NAT10: variants seen among roughly 807,000 people sequenced by gnomAD.
The protein encoded by NAT10 is RNA cytidine acetyltransferase.
A neutral mutation model predicts 132.2 loss-of-function variants in NAT10; 109 were observed. That is an observed-to-expected ratio of 0.82 (90% confidence interval 0.71 to 0.97). NAT10 has a LOEUF of 0.97. Among genes scored for constraint, NAT10 ranks in the 50% least tolerant of loss-of-function variants. The pLI is 0.00. For missense variants in NAT10, 1,184 were observed against 1,263.4 expected (o/e 0.94, Z 0.95); for synonymous variants, 479 against 478.0 (o/e 1.00, Z -0.03).
intron 5 of NAT10, among the ~76,000 whole-genome samples, chr11:34,114,927 C>T (rs1417905453): frequency 1.3e-5 from 2 of 152,152 alleles, no homozygotes; most frequent in South Asian, 2.1e-4. Flanking sequence ...CTGAGGTGGG[C>T]GGATCACCTG....
At chr11:34,123,938 C>T (rs1244405147) in intron 10 of NAT10, 83 bp downstream of exon 10, 7 of 1,065,136 alleles carry the variant, frequency 6.6e-6, no homozygotes, top group African/African-American at 1.6e-5. Flanking sequence ...GGGAGGCCGA[C>T]GCGGGCGGAT....
rs780216626 is a variant in NAT10 at position 34,133,988 on chromosome 11, T to TA, written c.1735-314dup. Reference sequence around the variant, plus strand: ...TAACACGGTGAAACCCCTTCTCTACTAAAAAAAAAAAAAAAAATACAAAAA... The same window carrying TA: ...TAACACGGTGAAACCCCTTCTCTACTAAAAAAAAAAAAAAAAAATACAAAAA... On this transcript the variant is annotated intron_variant, in intron 16 of 28. Transcript: ENST00000257829. 5.5e-3 allele frequency among the ~76,000 whole-genome samples: 675 copies of TA among 122,206 alleles called. 2 individuals are homozygous for TA. The highest frequency in any genetic ancestry group is 0.017 in the East Asian group (72 of 4,290). The allele number at this position is 122,206 out of a possible 152,430, so 80.2% of individuals were successfully genotyped here. A position where few individuals can be genotyped will look rare whatever the true frequency, so the allele number is the denominator to read the frequency against.
At position 34,118,289 on chromosome 11, in the gene NAT10, A is replaced by G; in HGVS notation, c.667A>G (p.Thr223Ala). ...VATMEALPPQ[T>A]PDESLGPSDL... ...CACCATGGAGGCCCTGCCTCCCCAG[A>G]CTCCGGTGAGTCTGTGCTGGGGTCC... The change falls in exon 7 of 29, where the codon ACT (threonine) becomes GCT (alanine). Residue 223 changes from threonine to alanine, a missense_variant. Transcript: ENST00000257829. 1 of 1,613,440 alleles carries G rather than the reference A, an allele frequency of 6.2e-7. No homozygotes were observed. The highest frequency in any genetic ancestry group is 8.5e-7 in the Non-Finnish European group (1 of 1,179,582).
chr11:34,143,799 C>T (rs1377777022), intron 28 of NAT10, among the ~76,000 whole-genome samples: 6 of 152,240 alleles, frequency 3.9e-5, no homozygotes, highest in Admixed American at 1.3e-4. Context: ...CTTGAGGGAA[C>T]AGTCCAGAAG....
chr11:34,141,648 G>A (rs528027084), intron 25 of NAT10, 71 bp from the exon 26 acceptor site: 4 of 1,367,484 alleles, frequency 2.9e-6, no homozygotes, highest in Middle Eastern at 1.8e-4. Context: ...GACACCAAGT[G>A]TCTGGGTCAC....
At chr11:34,106,128 G>A (rs947679799) in intron 1 of NAT10, 1 of 152,722 alleles carries the variant, frequency 6.5e-6, no homozygotes, top group South Asian at 2.1e-4. Flanking sequence ...CTGGCTGCAG[G>A]TCTGGGCATT....
At chr11:34,135,150 T>A in intron 18 of NAT10, 25 bp from the exon 19 acceptor site, 1 of 1,590,216 alleles carries the variant, frequency 6.3e-7, no homozygotes, top group Non-Finnish European at 8.6e-7. Context: ...TCCCTCGGCC[T>A]CTTCCCCTTC....
In NAT10 at chr11:34,145,482, A is replaced by G. The variant is rs1016646540; in HGVS notation, c.2970-602A>G. On this transcript the variant is annotated intron_variant, in intron 28 of 28. Coordinates refer to ENST00000257829, the MANE Select transcript of NAT10 (RefSeq NM_024662.3). ...GCAAAATTTAACCTGTAAGTTTCTTAATGGCAGGTGGCCGTTTGCTGAGTG... is the reference window on the plus strand; with the variant it reads ...GCAAAATTTAACCTGTAAGTTTCTTGATGGCAGGTGGCCGTTTGCTGAGTG... Among the ~76,000 whole-genome samples the G allele has an allele frequency of 5.9e-5, 9 of 152,190 alleles. 1 individual carries two copies. The highest frequency in any genetic ancestry group is 1.3e-4 in the Non-Finnish European group (9 of 68,042).
At chr11:34,132,961 C>G in intron 15 of NAT10, 65 bp from the exon 16 acceptor site, 1 of 1,325,632 alleles carries the variant, frequency 7.5e-7, no homozygotes, top group Admixed American at 1.7e-5. Flanking sequence ...GGTTCTGAAT[C>G]GAACCTTTTG....
intron 9 of NAT10, among the ~76,000 whole-genome samples, 155 bp from the exon 10 acceptor site, chr11:34,123,607 C>CT (rs1185818246): frequency 6.6e-6 from 1 of 152,254 alleles, no homozygotes; most frequent in Non-Finnish European, 1.5e-5. Context: ...AGTTGCTTTA[C>CT]TTTCCTTCCC....
At chr11:34,113,344 C>T (rs1295725794) in intron 4 of NAT10, among the ~76,000 whole-genome samples, 5 of 151,902 alleles carry the variant, frequency 3.3e-5, no homozygotes, top group Non-Finnish European at 5.9e-5. Flanking sequence ...ATAAGAGACC[C>T]GTTTTTGGCA....
At chr11:34,128,437 A>G (rs114159265) in intron 12 of NAT10, among the ~76,000 whole-genome samples, 3,191 of 151,776 alleles carry the variant, frequency 0.021, 83 homozygotes, top group African/African-American at 0.073. Flanking sequence ...TTTGATGTAC[A>G]TTTTCTCTGC....
chr11:34,134,649 TG>T, intron 18 of NAT10, 63 bp downstream of exon 18: 1 of 1,406,570 alleles, frequency 7.1e-7, no homozygotes, highest in East Asian at 3.0e-5. Flanking sequence ...TGGGGGTACT[TG>T]GTGGCTGGAA....
chr11:34,140,401 C>A lies in NAT10; in HGVS notation c.2421C>A (p.Ala807=), dbSNP rs73500465. Residue 807 remains alanine (A), a splice_region_variant and synonymous_variant, in exon 24 of 29, where the codon GCC becomes GCA. Coordinates refer to ENST00000257829, the MANE Select transcript of NAT10 (RefSeq NM_024662.3). ...TCTAGCTCTCTATCCCATGGACAGCCCTGAGCCGGGAGGAGCTGGAAGCAC... is the reference window on the plus strand; with the variant it reads ...TCTAGCTCTCTATCCCATGGACAGCACTGAGCCGGGAGGAGCTGGAAGCAC... ...NRNMGKPAQP[A]LSREELEALF... 1.1e-3 allele frequency: 1,779 copies of A among 1,613,272 alleles called. 7 individuals carry two copies. The highest frequency in any genetic ancestry group is 8.9e-3 in the African/African-American group (671 of 75,020).
At chr11:34,133,819 C>T (rs967642975) in intron 16 of NAT10, among the ~76,000 whole-genome samples, 3 of 152,038 alleles carry the variant, frequency 2.0e-5, no homozygotes, top group African/African-American at 7.2e-5. Flanking sequence ...CAGTCTTCTG[C>T]CCTGTAACAT....
chr11:34,108,385 C>G (rs1432257042), intron 2 of NAT10, 52 bp downstream of exon 2: 7 of 1,459,066 alleles, frequency 4.8e-6, no homozygotes, highest in Admixed American at 3.4e-5. Context: ...TCCAAAGAAT[C>G]AGCATGTTTA....
chr11:34,123,848 A>G lies in NAT10; in HGVS notation c.1001A>G (p.Gln334Arg), dbSNP rs1851938297. 2 of 1,604,748 alleles carry G rather than the reference A, an allele frequency of 1.2e-6. No individual in the cohort carries two copies. Residue 334 changes from glutamine (Q) to arginine (R), a missense_variant, in exon 10 of 29, where the codon CAA becomes CGA. Coordinates refer to ENST00000257829, the MANE Select transcript of NAT10 (RefSeq NM_024662.3). ...GTATTTAAAGGATTTGATGCTCTGC[A>G]ATATCAGGTAGGAAATTTGGATTAA... Reference protein sequence around the residue: ...EFVFKGFDALQYQEHLDYEII... With the variant: ...EFVFKGFDALRYQEHLDYEII...
intron 22 of NAT10, 34 bp from the exon 23 acceptor site, chr11:34,139,351 C>G: frequency 6.2e-7 from 1 of 1,612,834 alleles, no homozygotes; most frequent in Middle Eastern, 1.7e-4. Flanking sequence ...GGGATGCCTC[C>G]AGACCTCTAA....
intron 18 of NAT10, among the ~76,000 whole-genome samples, 186 bp from the exon 19 acceptor site, chr11:34,134,989 G>A (rs1466472701): frequency 6.6e-6 from 1 of 152,128 alleles, no homozygotes; most frequent in African/African-American, 2.4e-5. Flanking sequence ...TAAGAACTCG[G>A]GTCACACTAC....
Sources: allele counts gnomAD v4.1 joint callset (sites outside exome capture counted in the v4.1 genomes callset), GRCh38; gene constraint gnomAD v4.1.1; transcripts MANE v1.5; gene names NCBI Gene and HGNC (gene_info 2026-07-23, HGNC 2026-07-21).